The following ZNF474 variants were observed in gnomAD, a reference collection of about 807,000 sequenced individuals.
ZNF474 encodes 4933409D10Rik.
For missense variants in ZNF474, 511 were observed against 433.8 expected (o/e 1.18, Z -1.58); for synonymous variants, 192 against 162.2 (o/e 1.18, Z -1.39).
At chr5:122,149,902 T>TGC (rs1756118926) in intron 1 of ZNF474, among the ~76,000 whole-genome samples, 1 of 150,812 alleles carries the variant, frequency 6.6e-6, no homozygotes, top group Non-Finnish European at 1.5e-5. Context: ...TGTGTGTGTG[T>TGC]GTGTGTGTGT....
Position 122,153,124 on chromosome 5 carries a change from A to G in ZNF474, c.*39A>G, listed in dbSNP as rs778748198. ...AACTATCCCCAGAATCAGCCACCTC[A>G]GCCCCTAGTATTTTTTCTATCAATG... On this transcript the variant is annotated 3_prime_UTR_variant, in exon 2 of 2. Transcript: ENST00000296600. The G allele has an allele frequency of 6.4e-7, 1 of 1,560,272 alleles. No individual in the cohort carries two copies. Among genetic ancestry groups the G allele is most frequent in the Admixed American group, 1.9e-5 (1 of 51,620 alleles).
At position 122,152,232 on chromosome 5, in the gene ZNF474, A is replaced by T. The variant is rs772497468; in HGVS notation, c.242A>T (p.Gln81Leu). ...AGTAGAAGAATTATATCGGAAAGCC[A>T]GCTTAGCCCCCCTGTGATCCCGGCC... ...LSSRRIISES[Q>L]LSPPVIPARR... Residue 81 changes from glutamine to leucine, a missense_variant, in exon 2 of 2, where the codon CAG becomes CTG. Gln to Leu is a moderately radical substitution (Grantham distance 113). Transcript: ENST00000296600. The T allele has an allele frequency of 1.2e-6, 2 of 1,614,204 alleles. No individual in the cohort carries two copies. The highest frequency in any genetic ancestry group is 8.5e-7 in the Non-Finnish European group (1 of 1,180,044).
rs751853208 is a variant in ZNF474, at chr5:122,152,116, C to T, written c.126C>T (p.Ser42=). 6.2e-7 allele frequency: 1 copy of T among 1,614,138 alleles called. No homozygotes were observed. The highest frequency in any genetic ancestry group is 1.1e-5 in the South Asian group (1 of 91,084). ...CTAGTGACTCCTATTCTAGCCTTTC[C>T]CCAGAAACAGAGAGTGTTAATCCTG... The part of the protein sequence containing the change: ...LLSSDSYSSL[S]PETESVNPGE... Residue 42 remains serine, a synonymous_variant, in exon 2 of 2, where the codon TCC becomes TCT. Transcript: ENST00000296600.
chr5:122,149,912 T>TGC lies in ZNF474; in HGVS notation c.-212-1861_-212-1860dup, dbSNP rs1316220966. 1.6e-3 allele frequency among the ~76,000 whole-genome samples: 233 copies of TGC among 148,036 alleles called. 1 individual carries two copies. The highest frequency in any genetic ancestry group is 3.0e-3 in the Admixed American group (44 of 14,878). On this transcript the variant is annotated intron_variant, in intron 1 of 1. Coordinates refer to ENST00000296600, the MANE Select transcript of ZNF474 (RefSeq NM_207317.3). The stretch of plus-strand genomic sequence containing the variant: ...GTGTGTGTGTGTGTGTGTGTGTGTG[T>TGC]GCGCGCGTGAGAGAGAGAGAGAGAG...
At chr5:122,140,255 A>G (rs553350292) in intron 1 of ZNF474, among the ~76,000 whole-genome samples, 1 of 152,366 alleles carries the variant, frequency 6.6e-6, no homozygotes, top group African/African-American at 2.4e-5. Context: ...TGACAAAATT[A>G]TATAGAGCTT....
At chr5:122,150,520 T>G (rs1206887275) in intron 1 of ZNF474, among the ~76,000 whole-genome samples, 1 of 152,136 alleles carries the variant, frequency 6.6e-6, no homozygotes, top group Non-Finnish European at 1.5e-5. Flanking sequence ...CAAACTGAAG[T>G]GTTTGCCGTG....
chr5:122,131,982 T>C (rs921620174), intron 1 of ZNF474, among the ~76,000 whole-genome samples: 4 of 152,078 alleles, frequency 2.6e-5, no homozygotes, highest in Non-Finnish European at 5.9e-5. Flanking sequence ...CCATTAACCT[T>C]TGTAGTCAAT....
At chr5:122,151,138 G>A (rs1756158255) in intron 1 of ZNF474, among the ~76,000 whole-genome samples, 1 of 152,006 alleles carries the variant, frequency 6.6e-6, no homozygotes, top group South Asian at 2.1e-4. Context: ...TCAGGTCCAT[G>A]GACACTCAAG....
chr5:122,137,703 CA>C (rs1350724762), intron 1 of ZNF474, among the ~76,000 whole-genome samples: 1 of 151,978 alleles, frequency 6.6e-6, no homozygotes, highest in Non-Finnish European at 1.5e-5. Flanking sequence ...AAAGGGAGAG[CA>C]AAAGGAGATA....
chr5:122,138,224 A>T (rs1755754349), intron 1 of ZNF474, among the ~76,000 whole-genome samples: 1 of 152,208 alleles, frequency 6.6e-6, no homozygotes, highest in South Asian at 2.1e-4. Context: ...TTTCAGCCAA[A>T]TTATTAATGG....
At chr5:122,147,120 T>C (rs1756012153) in intron 1 of ZNF474, among the ~76,000 whole-genome samples, 1 of 152,290 alleles carries the variant, frequency 6.6e-6, no homozygotes, top group South Asian at 2.1e-4. Context: ...AGTTCCTTTT[T>C]GAAAGCAAGA....
chr5:122,131,886 T>C (rs1185133307), intron 1 of ZNF474, among the ~76,000 whole-genome samples: 1 of 152,060 alleles, frequency 6.6e-6, no homozygotes, highest in East Asian at 1.9e-4. Context: ...TATAATAAAA[T>C]GCACCCATTT....
At chr5:122,148,707 A>G (rs1249552069) in intron 1 of ZNF474, among the ~76,000 whole-genome samples, 1 of 152,060 alleles carries the variant, frequency 6.6e-6, no homozygotes, top group East Asian at 1.9e-4. Flanking sequence ...CTAGAAAACA[A>G]CTGTATATGG....
At chr5:122,148,680 C>T (rs1756057810) in intron 1 of ZNF474, among the ~76,000 whole-genome samples, 1 of 152,194 alleles carries the variant, frequency 6.6e-6, no homozygotes, top group South Asian at 2.1e-4. Flanking sequence ...CTGCACATCA[C>T]TCAGGAAAAA....
chr5:122,147,742 A>G (rs945605488), intron 1 of ZNF474: 1 of 152,198 alleles, frequency 6.6e-6, no homozygotes, highest in African/African-American at 2.4e-5. Flanking sequence ...AAAAGATATG[A>G]TCACACTTTT....
Position 122,153,019 on chromosome 5 carries a change from A to C in ZNF474, c.1029A>C (p.Val343=). The C allele has an allele frequency of 6.2e-7, 1 of 1,614,202 alleles. No homozygotes were observed. The highest frequency in any genetic ancestry group is 8.5e-7 in the Non-Finnish European group (1 of 1,180,036). The part of the protein sequence containing the change: ...KQQRNRAAPS[V]TDKVIHATQD... Reference sequence around the variant, plus strand: ...AAAGGAACAGGGCAGCACCCAGTGTAACTGATAAGGTAATTCATGCCACAC... The same window carrying C: ...AAAGGAACAGGGCAGCACCCAGTGTCACTGATAAGGTAATTCATGCCACAC... Residue 343 remains valine (V), a synonymous_variant, in exon 2 of 2, where the codon GTA becomes GTC. Coordinates refer to ENST00000296600, the MANE Select transcript of ZNF474 (RefSeq NM_207317.3).
At chr5:122,130,705 G>A (rs1403878473) in intron 1 of ZNF474, among the ~76,000 whole-genome samples, 1 of 151,866 alleles carries the variant, frequency 6.6e-6, no homozygotes, top group African/African-American at 2.4e-5. Flanking sequence ...CAGCTTTATT[G>A]AGGTATGACT....
intron 1 of ZNF474, among the ~76,000 whole-genome samples, chr5:122,149,446 A>G (rs1756103657): frequency 1.3e-5 from 2 of 152,194 alleles, no homozygotes; most frequent in Non-Finnish European, 2.9e-5. Flanking sequence ...AAAAGGAAGC[A>G]TAACAGCTGG....
intron 1 of ZNF474, among the ~76,000 whole-genome samples, chr5:122,133,306 T>G (rs1002523618): frequency 1.3e-5 from 2 of 152,186 alleles, no homozygotes; most frequent in Non-Finnish European, 2.9e-5. Flanking sequence ...TAACATCAGC[T>G]CTGTTTCCTG....
Sources: allele counts gnomAD v4.1 joint callset (sites outside exome capture counted in the v4.1 genomes callset), GRCh38; gene constraint gnomAD v4.1.1; transcripts MANE v1.5; gene names NCBI Gene and HGNC (gene_info 2026-07-23, HGNC 2026-07-21).